Variants in GTPBP4 observed in about 807,000 individuals in gnomAD.
The protein encoded by GTPBP4 is GTP-binding protein 4.
A neutral mutation model predicts 81.7 loss-of-function variants in GTPBP4; 15 were observed. The observed-to-expected ratio is 0.18, with a 90% CI of 0.12 to 0.28. The LOEUF is 0.28. Ranked by LOEUF, GTPBP4 falls within the 10% of genes least tolerant of loss-of-function variation. The pLI, the probability that GTPBP4 is intolerant of heterozygous loss-of-function variation, is 1.00. For synonymous variants in GTPBP4, 272 were observed against 274.6 expected (o/e 0.99, Z 0.09); for missense variants, 847 against 793.8 (o/e 1.07, Z -0.81).
In GTPBP4 at chr10:1,015,895, A is replaced by G. The variant is rs142553502; in HGVS notation, c.1751A>G (p.Lys584Arg). The G allele has an allele frequency of 6.2e-7, 1 of 1,611,362 alleles. No homozygotes were observed. The change falls in exon 16 of 17, where the codon AAG (lysine) becomes AGG (arginine). Residue 584 changes from lysine to arginine, a missense_variant and splice_region_variant. Physicochemically the swap from Lys to Arg is conservative, Grantham distance 26. Coordinates refer to ENST00000360803, the MANE Select transcript of GTPBP4 (RefSeq NM_012341.3). Reference sequence around the variant, plus strand: ...GACGTTTCTGGTCTTAGGGATGTCAAGGTCAGTCTCTGTGTTGTGTAATGT... The same window carrying G: ...GACGTTTCTGGTCTTAGGGATGTCAGGGTCAGTCTCTGTGTTGTGTAATGT... ...PRDVSGLRDV[K>R]MVKKAKTMMK... is the part of the protein sequence containing the mutation.
chr10:1,012,684 G>A, intron 14 of GTPBP4, 22 bp downstream of exon 14: 2 of 1,576,342 alleles, frequency 1.3e-6, no homozygotes, highest in Non-Finnish European at 1.7e-6. Flanking sequence ...TCTTTCCAAA[G>A]CAGTGTGATC....
chr10:1,011,879 C>T (rs1242414012), intron 13 of GTPBP4, among the ~76,000 whole-genome samples: 2 of 152,238 alleles, frequency 1.3e-5, no homozygotes, highest in Non-Finnish European at 2.9e-5. Context: ...AGACTTCCCT[C>T]CTCCGCACAG....
chr10:993,556 C>G (rs1377283434), intron 2 of GTPBP4, among the ~76,000 whole-genome samples: 1 of 150,520 alleles, frequency 6.6e-6, no homozygotes, highest in Non-Finnish European at 1.5e-5. Flanking sequence ...CTGCCTGTTT[C>G]TTTAGCTGTA....
chr10:1,017,482 A>G lies in GTPBP4; in HGVS notation c.*255A>G. The G allele has an allele frequency of 2.9e-6, 1 of 348,456 alleles. No individual in the cohort carries two copies. The highest frequency in any genetic ancestry group is 5.1e-6 in the Non-Finnish European group (1 of 194,190). The allele number at this position is 348,456 out of a possible 1,614,324, so 21.6% of individuals were successfully genotyped here. On this transcript the variant is annotated 3_prime_UTR_variant, in exon 17 of 17. Transcript: ENST00000360803. ...GTATCAGTTGCTTCAGATTTTCAGA[A>G]CTGGGAAGATTTACTGGTTTAACTA...
rs535952215 is a variant in GTPBP4, at chr10:1,000,526, C to T, written c.655-151C>T. ...TGCTGGGATTACAGGTGTGAGCCAC[C>T]GCACCCAGCCCTACTTTTTTTTTTT... On this transcript the variant is annotated intron_variant, in intron 6 of 16. Transcript: ENST00000360803. The T allele has an allele frequency of 1.5e-3, 674 of 435,308 alleles. 1 individual carries two copies. The highest frequency in any genetic ancestry group is 5.4e-3 in the East Asian group (151 of 28,204). The allele number at this position is 435,308 out of a possible 1,614,324, so 27.0% of individuals were successfully genotyped here. A position where few individuals can be genotyped will look rare whatever the true frequency, so the allele number is the denominator to read the frequency against.
At position 1,005,814 on chromosome 10, in the gene GTPBP4, C is replaced by T. The variant is rs368580173; in HGVS notation, c.913-4C>T. The T allele has an allele frequency of 1.3e-6, 2 of 1,544,698 alleles. No homozygotes were observed. The highest frequency in any genetic ancestry group is 1.8e-6 in the Non-Finnish European group (2 of 1,117,322). ...CATCTCTCGTTTTTTCTTTGCATTC[C>T]CAGAAAATATTTACAGATTTGCAGT... On this transcript the variant is annotated splice_polypyrimidine_tract_variant and splice_region_variant and intron_variant, in intron 8 of 16. Transcript: ENST00000360803.
At chr10:999,952 T>C (rs988371652) in intron 6 of GTPBP4, among the ~76,000 whole-genome samples, 1 of 152,132 alleles carries the variant, frequency 6.6e-6, no homozygotes, top group African/African-American at 2.4e-5. Context: ...GGAGCGAAAC[T>C]CTGTCTCAAA....
At chr10:1,007,332 C>A in intron 10 of GTPBP4, 1 of 508,796 alleles carries the variant, frequency 2.0e-6, no homozygotes, top group Non-Finnish European at 3.5e-6. Context: ...TTTCCCACTG[C>A]ATGACGTGGT....
intron 1 of GTPBP4, 177 bp downstream of exon 1, chr10:988,704 C>CG (rs1831387227): frequency 1.6e-6 from 1 of 609,396 alleles, no homozygotes; most frequent in Admixed American, 2.7e-5. Context: ...CAGCAGAATC[C>CG]GGGGTCCACC....
chr10:1,010,629 C>T (rs1466767726), intron 13 of GTPBP4, 109 bp downstream of exon 13: 3 of 736,634 alleles, frequency 4.1e-6, no homozygotes, highest in Non-Finnish European at 7.5e-6. Context: ...CTTCATTCTG[C>T]ACCCCTCCAT....
rs548356090 is a variant in GTPBP4 at position 1,019,602 on chromosome 10, A to G, written c.*2375A>G. The G allele has an allele frequency of 1.4e-5, 22 of 1,613,992 alleles. No individual in the cohort carries two copies. In the East Asian group the frequency reaches 3.3e-4, roughly 25 times the overall value. ...CCACCGGTACAGAAACCTCTCGGCAATGGTTCTTAGCCAGGGGGTGACTTT... is the reference window on the plus strand; with the variant it reads ...CCACCGGTACAGAAACCTCTCGGCAGTGGTTCTTAGCCAGGGGGTGACTTT... On this transcript the variant is annotated 3_prime_UTR_variant, in exon 17 of 17. Transcript: ENST00000360803.
chr10:1,017,104 G>T lies in GTPBP4; in HGVS notation c.1782G>T (p.Lys594Asn), dbSNP rs1832006994. The change falls in exon 17 of 17, where the codon AAG (lysine) becomes AAT (asparagine). Residue 594 changes from lysine to asparagine, a missense_variant. By Grantham distance (94) the Lys-to-Asn change is moderately conservative. Transcript: ENST00000360803. Reference sequence around the variant, plus strand: ...TGAAGAAAGCCAAGACTATGATGAAGAATGCTCAGAAGAAGATGAATCGGT... The same window carrying T: ...TGAAGAAAGCCAAGACTATGATGAATAATGCTCAGAAGAAGATGAATCGGT... ...KMVKKAKTMMKNAQKKMNRLG... is the reference protein window; with the variant it reads ...KMVKKAKTMMNNAQKKMNRLG... 6.2e-7 allele frequency: 1 copy of T among 1,613,860 alleles called. No homozygotes were observed. Among genetic ancestry groups the T allele is most frequent in the Non-Finnish European group, 8.5e-7 (1 of 1,179,808 alleles).
intron 14 of GTPBP4, among the ~76,000 whole-genome samples, chr10:1,012,966 C>T (rs1831907797): frequency 2.0e-5 from 3 of 152,074 alleles, no homozygotes; most frequent in Admixed American, 2.0e-4. Context: ...TGAACATTTT[C>T]CTCTTCTTTT....
At chr10:1,012,210 T>C (rs1405261641) in intron 13 of GTPBP4, among the ~76,000 whole-genome samples, 1 of 152,096 alleles carries the variant, frequency 6.6e-6, no homozygotes, top group Non-Finnish European at 1.5e-5. Context: ...GGAATTTAAT[T>C]GTTTTAAAAA....
In GTPBP4 at chr10:1,004,196, G is replaced by A. The variant is rs550758408; in HGVS notation, c.913-1622G>A. ...GGAACTCTGGACCCTGGGATGGTGG[G>A]GCCCAGCAGTATCCCAGACTCTCTG... On this transcript the variant is annotated intron_variant, in intron 8 of 16. Coordinates refer to ENST00000360803, the MANE Select transcript of GTPBP4 (RefSeq NM_012341.3). 3.9e-5 allele frequency among the ~76,000 whole-genome samples: 6 copies of A among 152,234 alleles called. No homozygotes were observed. The South Asian group carries it at 1.0e-3, about 26-fold the overall frequency.
chr10:988,598 C>T, intron 1 of GTPBP4, 71 bp downstream of exon 1: 7 of 1,221,554 alleles, frequency 5.7e-6, no homozygotes, highest in Non-Finnish European at 8.4e-6. Context: ...AGGGTCCGGG[C>T]CTGTAGCCGT....
At chr10:996,281 T>G in intron 4 of GTPBP4, 39 bp downstream of exon 4, 1 of 1,572,294 alleles carries the variant, frequency 6.4e-7, no homozygotes, top group Non-Finnish European at 8.7e-7. Flanking sequence ...GCTAGCATCC[T>G]GCTGAGAGGA....
chr10:998,846 CA>C (rs1398948442), intron 5 of GTPBP4, among the ~76,000 whole-genome samples, 156 bp from the exon 6 acceptor site: 2 of 152,100 alleles, frequency 1.3e-5, no homozygotes, highest in Non-Finnish European at 2.9e-5. Context: ...CCTGGTGGTG[CA>C]AAGGGAGAGG....
chr10:1,000,235 C>CTTTTTTTTTTTTTTTTTTTTTTTTTTTT (rs11331615), intron 6 of GTPBP4, among the ~76,000 whole-genome samples: 2 of 49,264 alleles, frequency 4.1e-5, no homozygotes, highest in South Asian at 1.1e-3. Context: ...GGGAGACCTA[C>CTTTTTTTTTTTTTTTTTTTTTTTTTTTT]TTTTTTTTTT....
Sources: gnomAD v4.1 joint callset for allele counts (sites outside exome capture counted in the v4.1 genomes callset) on GRCh38, gnomAD v4.1.1 for gene constraint, MANE v1.5 for transcripts, NCBI Gene and HGNC (gene_info 2026-07-23, HGNC 2026-07-21) for gene names.